Variants in CNTNAP5 observed in about 807,000 individuals in gnomAD.
The protein encoded by CNTNAP5 is contactin associated protein family member 5, also known as contactin-associated protein-like 5.
In CNTNAP5, 72 loss-of-function variants were observed where a neutral mutation model predicts 150.2. That is an observed-to-expected ratio of 0.48 (90% CI 0.40 to 0.58). The LOEUF (loss-of-function observed/expected upper bound fraction) is 0.58, where lower values mean the gene tolerates loss of function less well. CNTNAP5 is among the 20% of genes least tolerant of loss of function. The pLI is 0.00. For synonymous variants in CNTNAP5, 672 were observed against 619.8 expected, an observed-to-expected ratio of 1.08 and a Z score of -1.25; for missense variants, 1,636 against 1,626.2, an observed-to-expected ratio of 1.01 and a Z score of -0.10.
chr2:124,711,158 C>A (rs1417714699), intron 13 of CNTNAP5, among the ~76,000 whole-genome samples: 1 of 151,934 alleles, frequency 6.6e-6, no homozygotes, highest in Non-Finnish European at 1.5e-5. Context: ...GTAATCCCAG[C>A]TATTCGGGAG....
chr2:124,165,697 C>A (rs1362484593), intron 1 of CNTNAP5, among the ~76,000 whole-genome samples: 1 of 152,114 alleles, frequency 6.6e-6, no homozygotes, highest in Non-Finnish European at 1.5e-5. Flanking sequence ...AATCCTCTAT[C>A]TCTGCTTTTA....
chr2:124,177,555 T>G (rs191772849), intron 1 of CNTNAP5, among the ~76,000 whole-genome samples: 1 of 152,208 alleles, frequency 6.6e-6, no homozygotes, highest in African/African-American at 2.4e-5. Context: ...TCTGTCCTAA[T>G]CTAAAAAGTG....
intron 5 of CNTNAP5, among the ~76,000 whole-genome samples, chr2:124,440,750 T>C (rs180784943): frequency 1.1e-4 from 17 of 152,294 alleles, no homozygotes; most frequent in Non-Finnish European, 1.8e-4. Context: ...TTTTATTTCA[T>C]TAGAAATAAT....
At chr2:124,154,304 A>T (rs1573796258) in intron 1 of CNTNAP5, among the ~76,000 whole-genome samples, 1 of 152,266 alleles carries the variant, frequency 6.6e-6, no homozygotes, top group Non-Finnish European at 1.5e-5. Context: ...ATTCAAGTGC[A>T]AGGGGTTTGA....
intron 3 of CNTNAP5, among the ~76,000 whole-genome samples, chr2:124,311,618 A>G (rs974424993): frequency 2.0e-5 from 3 of 152,260 alleles, no homozygotes; most frequent in South Asian, 2.1e-4. Flanking sequence ...CAAATTTCCT[A>G]TGAATTTTGG....
At chr2:124,357,455 C>A (rs1690045937) in intron 3 of CNTNAP5, among the ~76,000 whole-genome samples, 1 of 151,994 alleles carries the variant, frequency 6.6e-6, no homozygotes, top group Admixed American at 6.5e-5. Context: ...ACATTTAAGT[C>A]TTTAATCCAT....
intron 16 of CNTNAP5, 99 bp from the exon 17 acceptor site, chr2:124,772,700 A>G (rs1015525612): frequency 8.3e-6 from 7 of 839,338 alleles, no homozygotes; most frequent in East Asian, 5.0e-5. Context: ...AGTCTTCTCT[A>G]TATTGATACT....
chr2:124,687,726 A>C (rs2105075725), intron 13 of CNTNAP5, among the ~76,000 whole-genome samples: 1 of 151,954 alleles, frequency 6.6e-6, no homozygotes, highest in African/African-American at 2.4e-5. Flanking sequence ...ATTTTCCTTT[A>C]GAACATACTT....
At chr2:124,912,316 C>T (rs565796540) in intron 23 of CNTNAP5, among the ~76,000 whole-genome samples, 1 of 152,134 alleles carries the variant, frequency 6.6e-6, no homozygotes, top group Admixed American at 6.6e-5. Flanking sequence ...TGGCAGATGG[C>T]GTTTTCCTTT....
At chr2:124,044,889 AACACACACACACACACACACACAC>A (rs147761848) in intron 1 of CNTNAP5, among the ~76,000 whole-genome samples, 1 of 144,072 alleles carries the variant, frequency 6.9e-6, no homozygotes, top group South Asian at 2.3e-4. Context: ...GTAGTGAGGA[AACACACACACACACACACACACAC>A]ACACACACAC....
At chr2:124,241,083 T>C (rs1573860480) in intron 2 of CNTNAP5, among the ~76,000 whole-genome samples, 1 of 152,214 alleles carries the variant, frequency 6.6e-6, no homozygotes, top group Non-Finnish European at 1.5e-5. Flanking sequence ...CATGGCATAA[T>C]ACAGTCTGCG....
chr2:124,267,112 G>C (rs2104608261), intron 3 of CNTNAP5, among the ~76,000 whole-genome samples: 1 of 152,172 alleles, frequency 6.6e-6, no homozygotes, highest in Admixed American at 6.5e-5. Context: ...TTTAAAGACT[G>C]CCTGCCCCTG....
chr2:124,145,812 T>TAAAAAAAAAAAAAAAA, intron 1 of CNTNAP5, among the ~76,000 whole-genome samples: 7 of 64,190 alleles, frequency 1.1e-4, no homozygotes, highest in African/African-American at 1.4e-4. Flanking sequence ...AAAAAAACAT[T>TAAAAAAAAAAAAAAAA]AAAAAAAAAA....
chr2:124,249,572 C>A (rs1397945496), intron 3 of CNTNAP5, among the ~76,000 whole-genome samples: 1 of 152,142 alleles, frequency 6.6e-6, no homozygotes, highest in Admixed American at 6.6e-5. Flanking sequence ...GCCTAGAAGC[C>A]CCCATCCGCT....
chr2:124,799,509 G>A (rs1380255324), intron 19 of CNTNAP5, among the ~76,000 whole-genome samples: 1 of 152,210 alleles, frequency 6.6e-6, no homozygotes, highest in East Asian at 1.9e-4. Flanking sequence ...ATAAGATGGG[G>A]CTGGGCCTTG....
intron 13 of CNTNAP5, among the ~76,000 whole-genome samples, chr2:124,713,217 CTGTTTCTTTCTTTCTTTCTT>C (rs1679845768): frequency 9.0e-6 from 1 of 111,330 alleles, no homozygotes; most frequent in African/African-American, 3.4e-5. Context: ...CTTTCTTTCT[CTGTTTCTTTCTTTCTTTCTT>C]TCTTTCTCTT....
chr2:124,713,297 CT>C (rs1233265161), intron 13 of CNTNAP5, among the ~76,000 whole-genome samples: 1 of 102,634 alleles, frequency 9.7e-6, no homozygotes, highest in African/African-American at 3.5e-5. Context: ...TTCTTTCTTT[CT>C]TTCTTCTTTC....
intron 13 of CNTNAP5, among the ~76,000 whole-genome samples, chr2:124,715,516 T>TC: frequency 6.6e-6 from 1 of 152,268 alleles, no homozygotes; most frequent in South Asian, 2.1e-4. Flanking sequence ...GTGGAATTTT[T>TC]ATTTTTTTCT....
At chr2:124,756,836 T>C (rs1209060035) in intron 14 of CNTNAP5, among the ~76,000 whole-genome samples, 1 of 151,922 alleles carries the variant, frequency 6.6e-6, no homozygotes, top group Non-Finnish European at 1.5e-5. Context: ...AAAAACTAAG[T>C]GATGGGATGA....
Sources: gnomAD v4.1 joint callset for allele counts (sites outside exome capture counted in the v4.1 genomes callset) on GRCh38, gnomAD v4.1.1 for gene constraint, MANE v1.5 for transcripts, NCBI Gene and HGNC (gene_info 2026-07-23, HGNC 2026-07-21) for gene names.